BRINP3: variants seen among roughly 807,000 people sequenced by gnomAD.
The protein encoded by BRINP3 is BMP/retinoic acid inducible neural specific 3.
A neutral mutation model predicts 71.0 loss-of-function variants in BRINP3; 19 were observed. The ratio of observed to expected loss-of-function variants is 0.27; its 90% CI spans 0.19 to 0.39. The LOEUF (loss-of-function observed/expected upper bound fraction) is 0.39. Ranked by LOEUF, BRINP3 falls within the 10% of genes least tolerant of loss-of-function variation. BRINP3 has a pLI of 1.00. For synonymous variants in BRINP3, 380 were observed against 337.7 expected (o/e 1.13, Z -1.37); for missense variants, 959 against 940.8 (o/e 1.02, Z -0.25).
At chr1:190,247,622 C>T (rs191169885) in intron 4 of BRINP3, among the ~76,000 whole-genome samples, 409 of 152,000 alleles carry the variant, frequency 2.7e-3, no homozygotes, top group Non-Finnish European at 4.7e-3. Context: ...CTATCCCCAT[C>T]TTCCACTCTC....
At chr1:190,136,144 C>T (rs967254569) in intron 7 of BRINP3, among the ~76,000 whole-genome samples, 2 of 152,054 alleles carry the variant, frequency 1.3e-5, no homozygotes, top group Non-Finnish European at 2.9e-5. Context: ...AATTCCAATA[C>T]AGTACAATCA....
intron 6 of BRINP3, among the ~76,000 whole-genome samples, chr1:190,214,970 C>A (rs546905473): frequency 6.6e-6 from 1 of 151,232 alleles, no homozygotes; most frequent in African/African-American, 2.4e-5. Flanking sequence ...ACCAAAGAAA[C>A]ATTTTTCTAT....
chr1:190,382,737 T>G, intron 2 of BRINP3, among the ~76,000 whole-genome samples: 1 of 152,190 alleles, frequency 6.6e-6, no homozygotes, highest in Non-Finnish European at 1.5e-5. Context: ...ATTGTATACT[T>G]TCTTTCACAA....
intron 2 of BRINP3, among the ~76,000 whole-genome samples, chr1:190,413,897 T>G (rs1057474526): frequency 4.6e-5 from 7 of 152,122 alleles, no homozygotes; most frequent in Admixed American, 2.0e-4. Context: ...ATAAAACCAC[T>G]GAAAAAAAAT....
intron 2 of BRINP3, among the ~76,000 whole-genome samples, chr1:190,303,279 T>C (rs1664862917): frequency 1.3e-5 from 2 of 151,758 alleles, no homozygotes; most frequent in South Asian, 4.1e-4. Flanking sequence ...ACTCTTATAG[T>C]GATAATTTAA....
At chr1:190,176,025 AG>A (rs1284055212) in intron 6 of BRINP3, among the ~76,000 whole-genome samples, 1 of 152,162 alleles carries the variant, frequency 6.6e-6, no homozygotes, top group Non-Finnish European at 1.5e-5. Flanking sequence ...TTACTGCCTC[AG>A]CCTGTAAATG....
At chr1:190,193,848 T>C (rs1441197335) in intron 6 of BRINP3, among the ~76,000 whole-genome samples, 2 of 151,996 alleles carry the variant, frequency 1.3e-5, no homozygotes, top group East Asian at 3.9e-4. Flanking sequence ...TCGTAAAAAA[T>C]ATAGGGCTCC....
chr1:190,422,509 T>C (rs556851847), intron 2 of BRINP3, among the ~76,000 whole-genome samples: 2 of 151,934 alleles, frequency 1.3e-5, no homozygotes, highest in East Asian at 3.9e-4. Context: ...ACATGAAAGA[T>C]GACACATTTA....
intron 2 of BRINP3, among the ~76,000 whole-genome samples, chr1:190,312,886 T>C (rs534428791): frequency 6.6e-6 from 1 of 151,986 alleles, no homozygotes; most frequent in South Asian, 2.1e-4. Context: ...AATAACCTGT[T>C]CTGGGAATAT....
Position 190,098,252 on chromosome 1 carries a change from G to A in BRINP3, c.2067C>T (p.Tyr689=), listed in dbSNP as rs1651370000. The change falls in exon 8 of 8, where the codon TAC becomes TAT. Residue 689 remains tyrosine (Y), a synonymous_variant. Transcript: ENST00000367462. The part of the protein sequence containing the change: ...AIRDLILQLD[Y]PYTQGSQDSA... ...AATCCTGGGATCCCTGAGTATAGGG[G>A]TAGTCCAGCTGCAAAATCAGGTCCC... 1 of 1,614,060 alleles carries A rather than the reference G, an allele frequency of 6.2e-7. No individual in the cohort carries two copies. The highest frequency in any genetic ancestry group is 8.5e-7 in the Non-Finnish European group (1 of 1,180,044).
intron 2 of BRINP3, among the ~76,000 whole-genome samples, chr1:190,453,640 T>G (rs1675799507): frequency 6.6e-6 from 1 of 152,174 alleles, no homozygotes; most frequent in Non-Finnish European, 1.5e-5. Context: ...GTGTGGTGCT[T>G]CATGGAACTT....
Position 190,461,766 on chromosome 1 carries a change from G to A in BRINP3, c.-50-6826C>T, listed in dbSNP as rs984744150. 7.9e-5 allele frequency among the ~76,000 whole-genome samples: 12 copies of A among 152,168 alleles called. No individual in the cohort carries two copies. The East Asian group carries it at 1.7e-3, about 22-fold the overall frequency. On this transcript the variant is annotated intron_variant, in intron 1 of 7. Transcript: ENST00000367462. Reference sequence around the variant, plus strand: ...TAGAATCTACAGAGAATCTGTATCCGAATCTGCATCTGAGCTGAGTGTCAG... The same window carrying A: ...TAGAATCTACAGAGAATCTGTATCCAAATCTGCATCTGAGCTGAGTGTCAG...
chr1:190,451,022 T>G lies in BRINP3; in HGVS notation c.236+3633A>C, dbSNP rs369357583. On this transcript the variant is annotated intron_variant, in intron 2 of 7. Coordinates refer to ENST00000367462, the MANE Select transcript of BRINP3 (RefSeq NM_199051.3). ...TAACATTCACCTCAATTGTCTCCTA[T>G]TCTCAAATTGGAGCATTATTTGAGT... 9.2e-5 allele frequency among the ~76,000 whole-genome samples: 14 copies of G among 152,258 alleles called. No individual in the cohort carries two copies. In the South Asian group the frequency reaches 2.1e-3, roughly 23 times the overall value.
chr1:190,309,886 T>A (rs1665395391), intron 2 of BRINP3, among the ~76,000 whole-genome samples: 1 of 151,788 alleles, frequency 6.6e-6, no homozygotes. Context: ...AGATTCAGAA[T>A]GAAATCCCTA....
chr1:190,286,360 AC>A (rs1315386465), intron 2 of BRINP3, among the ~76,000 whole-genome samples: 6 of 152,178 alleles, frequency 3.9e-5, no homozygotes, highest in African/African-American at 1.4e-4. Flanking sequence ...ATTGCCATTA[AC>A]CTTTCTTATT....
intron 6 of BRINP3, among the ~76,000 whole-genome samples, chr1:190,219,575 C>T (rs2102679485): frequency 1.3e-5 from 2 of 152,144 alleles, no homozygotes; most frequent in South Asian, 4.2e-4. Context: ...AATGGTGGCT[C>T]ACGCCTGTAA....
At position 190,460,284 on chromosome 1, in the gene BRINP3, C is replaced by T. The variant is rs1033677513; in HGVS notation, c.-50-5344G>A. ...AAAATAAAATATTTATATGTAGTAC[C>T]CCAGAATCTGTTTAAAATCTACAGC... On this transcript the variant is annotated intron_variant, in intron 1 of 7. Coordinates refer to ENST00000367462, the MANE Select transcript of BRINP3 (RefSeq NM_199051.3). Among the ~76,000 whole-genome samples the T allele has an allele frequency of 1.4e-4, 21 of 149,234 alleles. No homozygotes were observed. The East Asian group carries it at 3.9e-3, about 28-fold the overall frequency.
At chr1:190,336,641 T>C (rs1215577735) in intron 2 of BRINP3, among the ~76,000 whole-genome samples, 5 of 152,042 alleles carry the variant, frequency 3.3e-5, no homozygotes, top group Non-Finnish European at 1.5e-5. Flanking sequence ...TGGGTGTAAA[T>C]TAAAACTGGT....
intron 2 of BRINP3, among the ~76,000 whole-genome samples, chr1:190,385,464 A>G (rs1440118940): frequency 6.6e-6 from 1 of 151,996 alleles, no homozygotes; most frequent in Non-Finnish European, 1.5e-5. Flanking sequence ...TATGCAGCCA[A>G]AAAACACATG....
Sources: gnomAD v4.1 joint callset for allele counts (sites outside exome capture counted in the v4.1 genomes callset) on GRCh38, gnomAD v4.1.1 for gene constraint, MANE v1.5 for transcripts, NCBI Gene and HGNC (gene_info 2026-07-23, HGNC 2026-07-21) for gene names.